ROS1: variants seen among roughly 807,000 people sequenced by gnomAD.
ROS1 encodes the protein ROS proto-oncogene 1, receptor tyrosine kinase.
In ROS1, 263 loss-of-function variants were observed where a neutral mutation model predicts 273.5. That is an observed-to-expected ratio of 0.96 (90% CI 0.87 to 1.06). The LOEUF is 1.06. ROS1 is among the 50% of genes least tolerant of loss of function. The pLI is 0.00. For missense variants in ROS1, 2,833 were observed against 2,751.1 expected (o/e 1.03, Z -0.67); for synonymous variants, 1,008 against 954.1 (o/e 1.06, Z -1.04).
chr6:117,317,609 A>G lies in ROS1; in HGVS notation c.5988-337T>C, dbSNP rs527352747. Among the ~76,000 whole-genome samples, 3 of 152,260 alleles carry G rather than the reference A, an allele frequency of 2.0e-5. No homozygotes were observed. The South Asian group carries it at 6.2e-4, about 32-fold the overall frequency. ...GGTTTTGGGTCATTACAGGTATGAAATATATCCTCTCCCTTTCAGGAAAAC... is the reference window on the plus strand; with the variant it reads ...GGTTTTGGGTCATTACAGGTATGAAGTATATCCTCTCCCTTTCAGGAAAAC... On this transcript the variant is annotated intron_variant, in intron 38 of 43. Transcript: ENST00000368507.
chr6:117,318,921 T>C (rs1179261179), intron 37 of ROS1, among the ~76,000 whole-genome samples: 1 of 152,162 alleles, frequency 6.6e-6, no homozygotes, highest in East Asian at 1.9e-4. Context: ...GGCTCTGACC[T>C]GACACACTAT....
At position 117,414,501 on chromosome 6, in the gene ROS1, T is replaced by C. The variant is rs751041707; in HGVS notation, c.255+18A>G. ...GACATGTGGCTTGATTACATCTTTT[T>C]TGTGATTGCCAACTCACCTCACAAA... On this transcript the variant is annotated intron_variant, in intron 4 of 43. Transcript: ENST00000368507. The C allele has an allele frequency of 4.0e-6, 3 of 745,200 alleles. No individual in the cohort carries two copies. The South Asian group carries it at 4.5e-5, about 11-fold the overall frequency. 46.2% of individuals were successfully genotyped at this position (745,200 alleles called of 1,614,324 possible). A position where few individuals can be genotyped will look rare whatever the true frequency, so the allele number is the denominator to read the frequency against.
rs1044618733 is a variant in ROS1 at position 117,358,145 on chromosome 6, T to C, written c.3634-136A>G. 1.3e-5 allele frequency: 8 copies of C among 614,830 alleles called. No homozygotes were observed. The African/African-American group carries it at 1.5e-4, about 11-fold the overall frequency. 38.1% of individuals were successfully genotyped at this position (614,830 alleles called of 1,614,324 possible). ...CCAAACCTCAGCAATCTGGACGGTA[T>C]ACCATTGTAACATGGGCACTGTTCT... On this transcript the variant is annotated intron_variant, in intron 24 of 43. Transcript: ENST00000368507.
At chr6:117,302,979 T>C (rs939978450) in intron 42 of ROS1, among the ~76,000 whole-genome samples, 7 of 152,190 alleles carry the variant, frequency 4.6e-5, no homozygotes, top group Admixed American at 2.0e-4. Flanking sequence ...TCCCCAGGGC[T>C]TGGAAGGAAT....
At chr6:117,297,162 T>C (rs1004899742) in intron 43 of ROS1, among the ~76,000 whole-genome samples, 20 of 152,028 alleles carry the variant, frequency 1.3e-4, no homozygotes, top group Non-Finnish European at 2.2e-4. Context: ...GGAAATTGGA[T>C]ATATGCAGAA....
intron 37 of ROS1, among the ~76,000 whole-genome samples, chr6:117,319,257 C>T (rs746668660): frequency 6.6e-6 from 1 of 152,132 alleles, no homozygotes; most frequent in Non-Finnish European, 1.5e-5. Context: ...GACTGACAAA[C>T]TACAGCCTGT....
chr6:117,296,467 A>G (rs914261605), intron 43 of ROS1, among the ~76,000 whole-genome samples: 80 of 152,190 alleles, frequency 5.3e-4, no homozygotes, highest in Admixed American at 5.9e-4. Context: ...AGTACTATTC[A>G]GCTATAAAAA....
chr6:117,328,416 A>G (rs1776802603), intron 33 of ROS1: 1 of 307,060 alleles, frequency 3.3e-6, no homozygotes, highest in East Asian at 4.7e-5. Context: ...AACCACCAAG[A>G]CAGTTCTGCA....
intron 5 of ROS1, among the ~76,000 whole-genome samples, chr6:117,405,279 A>C (rs1774306080): frequency 6.6e-6 from 1 of 152,218 alleles, no homozygotes; most frequent in Admixed American, 6.5e-5. Context: ...ACACGGACCA[A>C]ATAAAGTCTA....
At chr6:117,342,721 T>A (rs1778044477) in intron 28 of ROS1, among the ~76,000 whole-genome samples, 177 bp from the exon 29 acceptor site, 1 of 152,172 alleles carries the variant, frequency 6.6e-6, no homozygotes, top group South Asian at 2.1e-4. Context: ...AGTTGTTCAA[T>A]GTTTCCAAGA....
rs1775317741 is a variant in ROS1, at chr6:117,308,860, A to G, written c.6485T>C (p.Leu2162Pro). 3 of 1,613,402 alleles carry G rather than the reference A, an allele frequency of 1.9e-6. No individual in the cohort carries two copies. Among genetic ancestry groups the G allele is most frequent in the South Asian group, 2.2e-5 (2 of 91,068 alleles). The stretch of plus-strand genomic sequence containing the variant: ...TGTTTGCACATAGTTTAACACATCA[A>G]GGTTGGAATGAGCTGGATAAGGCTG... ...GHQPYPAHSN[L>P]DVLNYVQTGG... Residue 2162 changes from leucine (L) to proline (P), a missense_variant, in exon 42 of 44, where the codon CTT becomes CCT. Physicochemically the swap from Leu to Pro is moderately conservative, Grantham distance 98 (BLOSUM62 -3). Coordinates refer to ENST00000368507, the MANE Select transcript of ROS1 (RefSeq NM_001378902.1).
intron 37 of ROS1, among the ~76,000 whole-genome samples, chr6:117,318,829 G>A (rs928998500): frequency 2.0e-5 from 3 of 152,242 alleles, no homozygotes; most frequent in East Asian, 3.9e-4. Flanking sequence ...GAATGAAGAT[G>A]TGATGCTTGC....
At chr6:117,353,237 GA>G in intron 26 of ROS1, 71 bp from the exon 27 acceptor site, 3 of 1,146,134 alleles carry the variant, frequency 2.6e-6, no homozygotes, top group Non-Finnish European at 3.6e-6. Flanking sequence ...AAAAATGTAT[GA>G]AATTTTTTCT....
chr6:117,393,858 C>T (rs1378221044), intron 11 of ROS1, among the ~76,000 whole-genome samples: 1 of 152,154 alleles, frequency 6.6e-6, no homozygotes. Context: ...GACTGGCAGT[C>T]TTACCTAACA....
chr6:117,417,814 C>A (rs1252358246), intron 2 of ROS1, among the ~76,000 whole-genome samples: 13 of 152,204 alleles, frequency 8.5e-5, no homozygotes, highest in Admixed American at 8.5e-4. Flanking sequence ...CTGGAAAACT[C>A]TTCCTCTTTC....
intron 7 of ROS1, among the ~76,000 whole-genome samples, chr6:117,399,651 C>G (rs1014916851): frequency 6.6e-6 from 1 of 152,172 alleles, no homozygotes; most frequent in African/African-American, 2.4e-5. Context: ...AGGGTGAGGG[C>G]ACCAGACAAC....
At chr6:117,313,311 T>A (rs1372565466) in intron 39 of ROS1, among the ~76,000 whole-genome samples, 1 of 152,166 alleles carries the variant, frequency 6.6e-6, no homozygotes, top group Non-Finnish European at 1.5e-5. Context: ...ATGCCTGTAA[T>A]CCCAGGACTG....
In ROS1 at chr6:117,410,143, C is replaced by T. The variant is rs142918203; in HGVS notation, c.256-501G>A. Among the ~76,000 whole-genome samples the T allele has an allele frequency of 8.9e-4, 135 of 152,256 alleles. 2 individuals carry two copies. The East Asian group carries it at 0.021, about 23-fold the overall frequency. ...TGTCTCTGATGTGCTCTTATATGTA[C>T]AATGATATTCTATTCTATTGTTTCA... On this transcript the variant is annotated intron_variant, in intron 4 of 43. Transcript: ENST00000368507.
intron 27 of ROS1, among the ~76,000 whole-genome samples, chr6:117,347,241 CAG>C (rs1221777627): frequency 6.6e-6 from 1 of 151,968 alleles, no homozygotes; most frequent in Non-Finnish European, 1.5e-5. Flanking sequence ...TTTCTTTCAT[CAG>C]GGTTTTATAG....
Sources: gnomAD v4.1 joint callset for allele counts (sites outside exome capture counted in the v4.1 genomes callset) on GRCh38, gnomAD v4.1.1 for gene constraint, MANE v1.5 for transcripts, NCBI Gene and HGNC (gene_info 2026-07-23, HGNC 2026-07-21) for gene names.